ETV1: variants seen among roughly 807,000 people sequenced by gnomAD.
ETV1 encodes ETS variant transcription factor 1.
A neutral mutation model predicts 62.3 loss-of-function variants in ETV1; 27 were observed. That is an observed-to-expected ratio of 0.43 (90% confidence interval 0.32 to 0.60). ETV1 has a LOEUF of 0.60. Ranked by LOEUF, ETV1 falls within the 20% of genes least tolerant of loss-of-function variation. The pLI, the probability that ETV1 is intolerant of heterozygous loss-of-function variation, is 0.06. For synonymous variants in ETV1, 222 were observed against 199.6 expected (o/e 1.11, Z -0.94); for missense variants, 605 against 605.8 (o/e 1.00, Z 0.01).
Position 13,891,419 on chromosome 7 carries a change from T to C in ETV1, c.*4447A>G. On this transcript the variant is annotated 3_prime_UTR_variant, in exon 14 of 14. Coordinates refer to ENST00000430479, the MANE Select transcript of ETV1 (RefSeq NM_004956.5). ...TGAAAGTAACTAATACTGGAGTCTA[T>C]ATGCAAAAAAGACCCTACCTTACAT... 1 of 231,694 alleles carries C rather than the reference T, an allele frequency of 4.3e-6. No homozygotes were observed. Among genetic ancestry groups the C allele is most frequent in the Non-Finnish European group, 8.5e-6 (1 of 117,148 alleles). 14.4% of individuals were successfully genotyped at this position (231,694 alleles called of 1,614,324 possible). A position where few individuals can be genotyped will look rare whatever the true frequency, so the allele number is the denominator to read the frequency against.
intron 6 of ETV1, among the ~76,000 whole-genome samples, chr7:13,951,130 C>G (rs989271262): frequency 1.3e-5 from 2 of 151,960 alleles, no homozygotes; most frequent in Non-Finnish European, 2.9e-5. Context: ...CCTGCCTACC[C>G]CCTATTTAAC....
At position 13,891,685 on chromosome 7, in the gene ETV1, C is replaced by A. The variant is rs1016147511; in HGVS notation, c.*4181G>T. ...TGAAATTTTCTAGTATCATGCCCAA[C>A]TATTACCATCTTTTTGAAACTTGAT... On this transcript the variant is annotated 3_prime_UTR_variant, in exon 14 of 14. Coordinates refer to ENST00000430479, the MANE Select transcript of ETV1 (RefSeq NM_004956.5). 2 of 231,852 alleles carry A rather than the reference C, an allele frequency of 8.6e-6. No individual in the cohort carries two copies. Among genetic ancestry groups the A allele is most frequent in the Non-Finnish European group, 1.7e-5 (2 of 117,358 alleles). 14.4% of individuals were successfully genotyped at this position (231,852 alleles called of 1,614,324 possible). A position where few individuals can be genotyped will look rare whatever the true frequency, so the allele number is the denominator to read the frequency against.
chr7:13,910,025 C>T (rs1276193491), intron 10 of ETV1, among the ~76,000 whole-genome samples: 2 of 151,956 alleles, frequency 1.3e-5, no homozygotes, highest in African/African-American at 4.8e-5. Context: ...TATAACGTAT[C>T]GTCTCCTTTT....
chr7:13,905,937 T>C (rs1782909659), intron 12 of ETV1, among the ~76,000 whole-genome samples: 2 of 152,154 alleles, frequency 1.3e-5, no homozygotes, highest in South Asian at 2.1e-4. Flanking sequence ...CAGCTGTTTT[T>C]CCCCAATCTT....
intron 6 of ETV1, among the ~76,000 whole-genome samples, chr7:13,940,005 A>T (rs1167697081): frequency 2.6e-5 from 4 of 152,338 alleles, no homozygotes; most frequent in Admixed American, 6.5e-5. Context: ...TACATCACAA[A>T]ATATGAAAAC....
intron 6 of ETV1, among the ~76,000 whole-genome samples, chr7:13,947,051 T>C (rs916499151): frequency 1.3e-4 from 20 of 152,268 alleles, no homozygotes; most frequent in African/African-American, 4.8e-4. Flanking sequence ...GCTGGGATTA[T>C]AGGCGTGAGC....
chr7:13,916,376 G>A (rs1423560501), intron 9 of ETV1, among the ~76,000 whole-genome samples: 3 of 152,154 alleles, frequency 2.0e-5, no homozygotes, highest in African/African-American at 4.8e-5. Context: ...GGTGGCTCAC[G>A]TCTGTAATCC....
At chr7:13,974,926 C>T (rs1045702511) in intron 6 of ETV1, 11 of 152,260 alleles carry the variant, frequency 7.2e-5, no homozygotes, top group African/African-American at 2.7e-4. Context: ...GAGGTGTTGC[C>T]TTTTTCTAAT....
chr7:13,896,849 T>G (rs535466589), intron 13 of ETV1, among the ~76,000 whole-genome samples: 78 of 152,174 alleles, frequency 5.1e-4, no homozygotes, highest in African/African-American at 1.8e-3. Flanking sequence ...CCTGGGTACA[T>G]CACTTTTAAA....
intron 13 of ETV1, among the ~76,000 whole-genome samples, chr7:13,897,038 C>A (rs73273392): frequency 0.026 from 3,953 of 152,180 alleles, 159 homozygotes; most frequent in African/African-American, 0.086. Context: ...GTATGACATA[C>A]CCCAAACTTA....
Position 13,891,760 on chromosome 7 carries a change from T to A in ETV1, c.*4106A>T, listed in dbSNP as rs531659469. ...TTAATATGTACATTTGCCTTCTTTATATTTTTTCCACCATCACTTTTACCC... is the reference window on the plus strand; with the variant it reads ...TTAATATGTACATTTGCCTTCTTTAAATTTTTTCCACCATCACTTTTACCC... On this transcript the variant is annotated 3_prime_UTR_variant, in exon 14 of 14. Transcript: ENST00000430479. The A allele has an allele frequency of 4.3e-6, 1 of 232,140 alleles. No individual in the cohort carries two copies. The highest frequency in any genetic ancestry group is 5.6e-5 in the Admixed American group (1 of 17,774). 14.4% of individuals were successfully genotyped at this position (232,140 alleles called of 1,614,324 possible). A position where few individuals can be genotyped will look rare whatever the true frequency, so the allele number is the denominator to read the frequency against.
At chr7:13,920,205 C>T (rs1239219759) in intron 9 of ETV1, among the ~76,000 whole-genome samples, 7 of 152,064 alleles carry the variant, frequency 4.6e-5, no homozygotes, top group Non-Finnish European at 7.4e-5. Flanking sequence ...GCTGAAATGA[C>T]ATATTTGAAT....
chr7:13,936,176 G>T (rs1012043700), intron 7 of ETV1, among the ~76,000 whole-genome samples: 1 of 152,024 alleles, frequency 6.6e-6, no homozygotes, highest in Non-Finnish European at 1.5e-5. Flanking sequence ...GGAAAATTAC[G>T]TCCAAAAAAG....
chr7:13,931,846 T>G, intron 8 of ETV1, 97 bp from the exon 9 acceptor site: 1 of 1,431,518 alleles, frequency 7.0e-7, no homozygotes, highest in Non-Finnish European at 9.6e-7. Flanking sequence ...ACGAACATGA[T>G]ACCAGCTGAC....
At chr7:13,915,624 G>T (rs989505594) in intron 9 of ETV1, among the ~76,000 whole-genome samples, 1 of 152,116 alleles carries the variant, frequency 6.6e-6, no homozygotes, top group African/African-American at 2.4e-5. Context: ...ATGCAGATGT[G>T]TTTAAATGCA....
At chr7:13,953,825 A>C (rs2128474794) in intron 6 of ETV1, among the ~76,000 whole-genome samples, 1 of 152,352 alleles carries the variant, frequency 6.6e-6, no homozygotes, top group Non-Finnish European at 1.5e-5. Flanking sequence ...AGTGGTAAAT[A>C]TATTCCTTGA....
intron 6 of ETV1, among the ~76,000 whole-genome samples, chr7:13,950,278 G>C (rs996461774): frequency 6.6e-6 from 1 of 152,050 alleles, no homozygotes; most frequent in African/African-American, 2.4e-5. Flanking sequence ...GCACGTGCAA[G>C]GATCTTCCTG....
At chr7:13,943,305 A>G (rs536721247) in intron 6 of ETV1, among the ~76,000 whole-genome samples, 3 of 152,338 alleles carry the variant, frequency 2.0e-5, no homozygotes, top group Admixed American at 6.5e-5. Context: ...TTATCACTAT[A>G]TAGCTGTATC....
At chr7:13,907,649 G>A (rs1783107881) in intron 11 of ETV1, 1 of 268,634 alleles carries the variant, frequency 3.7e-6, no homozygotes, top group Non-Finnish European at 8.0e-6. Context: ...TGAGTGTCTA[G>A]GGCCCTGCAA....
Sources: allele counts gnomAD v4.1 joint callset (sites outside exome capture counted in the v4.1 genomes callset), GRCh38; gene constraint gnomAD v4.1.1; transcripts MANE v1.5; gene names NCBI Gene and HGNC (gene_info 2026-07-23, HGNC 2026-07-21).